The following SNTG1 variants were observed in gnomAD, a reference collection of about 807,000 sequenced individuals.
SNTG1 encodes the protein gamma-1-syntrophin.
In SNTG1, 39 loss-of-function variants were observed where a neutral mutation model predicts 74.7. The observed-to-expected ratio is 0.52, with a 90% CI of 0.40 to 0.68. SNTG1 has a LOEUF of 0.68. Among genes scored for constraint, SNTG1 ranks in the 30% least tolerant of loss-of-function variants. The pLI, the probability that SNTG1 is intolerant of heterozygous loss-of-function variation, is 0.00. For missense variants in SNTG1, 685 were observed against 609.5 expected, an observed-to-expected ratio of 1.12 and a Z score of -1.30; for synonymous variants, 254 against 217.1, an observed-to-expected ratio of 1.17 and a Z score of -1.49.
chr8:50,146,048 T>A (rs1411311334), intron 1 of SNTG1, among the ~76,000 whole-genome samples: 1 of 151,936 alleles, frequency 6.6e-6, no homozygotes, highest in Non-Finnish European at 1.5e-5. Flanking sequence ...TTAAACTTAT[T>A]AAGGCACTTT....
At chr8:50,200,414 G>A (rs768427959) in intron 2 of SNTG1, among the ~76,000 whole-genome samples, 13 of 152,090 alleles carry the variant, frequency 8.5e-5, no homozygotes, top group Non-Finnish European at 5.9e-5. Context: ...AGAAACAGAC[G>A]TTGATTCCTT....
intron 1 of SNTG1, among the ~76,000 whole-genome samples, chr8:50,108,926 T>A (rs963139597): frequency 2.6e-5 from 4 of 152,114 alleles, no homozygotes; most frequent in African/African-American, 9.7e-5. Flanking sequence ...TCTGGAGCAA[T>A]CTTAGCATCA....
At chr8:50,393,004 A>G (rs2092682729) in intron 2 of SNTG1, among the ~76,000 whole-genome samples, 1 of 152,108 alleles carries the variant, frequency 6.6e-6, no homozygotes, top group Admixed American at 6.6e-5. Context: ...CTTTTGTAGT[A>G]AAAGAATAAC....
At chr8:50,526,603 A>ATG (rs143910529) in intron 9 of SNTG1, among the ~76,000 whole-genome samples, 1,601 of 149,540 alleles carry the variant, frequency 0.011, 20 homozygotes, top group East Asian at 0.024. Context: ...CAGCATATAT[A>ATG]TGTGTGTGTG....
intron 2 of SNTG1, among the ~76,000 whole-genome samples, chr8:50,321,947 T>C (rs1174545981): frequency 6.6e-6 from 1 of 152,170 alleles, no homozygotes; most frequent in African/African-American, 2.4e-5. Flanking sequence ...TCTTTTAGTC[T>C]TTCTACTTAA....
At chr8:50,043,594 A>C (rs964794861) in intron 1 of SNTG1, among the ~76,000 whole-genome samples, 1 of 152,182 alleles carries the variant, frequency 6.6e-6, no homozygotes, top group African/African-American at 2.4e-5. Flanking sequence ...CTTGAAGCTG[A>C]CTATGCGTTC....
chr8:50,168,502 G>T (rs2131635384), intron 1 of SNTG1, among the ~76,000 whole-genome samples: 1 of 152,118 alleles, frequency 6.6e-6, no homozygotes. Flanking sequence ...TTTTACTTTA[G>T]TGTGATAGTT....
chr8:50,595,026 GTGTGT>G (rs1412651506), intron 13 of SNTG1, among the ~76,000 whole-genome samples: 5 of 114,292 alleles, frequency 4.4e-5, no homozygotes, highest in Admixed American at 1.8e-4. Flanking sequence ...GAAGATGTGT[GTGTGT>G]GTGTGTGTGT....
At chr8:50,106,522 C>G (rs1453541656) in intron 1 of SNTG1, among the ~76,000 whole-genome samples, 4 of 152,126 alleles carry the variant, frequency 2.6e-5, no homozygotes, top group Non-Finnish European at 5.9e-5. Context: ...AGCTTTTGCT[C>G]ATTCAATGAT....
chr8:50,184,317 C>G (rs1223308406), intron 2 of SNTG1, among the ~76,000 whole-genome samples: 1 of 152,104 alleles, frequency 6.6e-6, no homozygotes, highest in African/African-American at 2.4e-5. Flanking sequence ...AGGTGCCCAC[C>G]ACCACACCTG....
At chr8:49,946,804 G>T (rs1050323896) in intron 1 of SNTG1, among the ~76,000 whole-genome samples, 2 of 152,076 alleles carry the variant, frequency 1.3e-5, no homozygotes, top group South Asian at 4.1e-4. Context: ...GTATCTCCAT[G>T]AAATAATTAA....
rs1180519555 is a variant in SNTG1 at position 50,593,103 on chromosome 8, C to CATCCCACCCA, written c.849+2187_849+2188insTCCCACCCAA. On this transcript the variant is annotated intron_variant, in intron 13 of 18. Transcript: ENST00000642720. ...ATTCCTGATGTTCTAGGTATCAAAA[C>CATCCCACCCA]AGAAATTAAAAGTCACCCAAGCTAC... 4.2e-3 allele frequency among the ~76,000 whole-genome samples: 643 copies of CATCCCACCCA among 152,194 alleles called. 9 individuals carry two copies. The highest frequency in any genetic ancestry group is 0.014 in the African/African-American group (581 of 41,532).
At chr8:50,297,266 T>C (rs1017461013) in intron 2 of SNTG1, among the ~76,000 whole-genome samples, 1 of 152,146 alleles carries the variant, frequency 6.6e-6, no homozygotes, top group African/African-American at 2.4e-5. Context: ...TGATTTTTCT[T>C]ATACATGCAT....
intron 13 of SNTG1, among the ~76,000 whole-genome samples, chr8:50,628,793 T>G (rs1418575198): frequency 6.6e-6 from 1 of 152,202 alleles, no homozygotes; most frequent in Admixed American, 6.6e-5. Flanking sequence ...GAAGTAAAAC[T>G]TAGAATGACA....
chr8:49,973,066 T>G (rs1811851115), intron 1 of SNTG1, among the ~76,000 whole-genome samples: 1 of 152,152 alleles, frequency 6.6e-6, no homozygotes, highest in African/African-American at 2.4e-5. Context: ...CAAGCACACG[T>G]ATGTTTATTG....
chr8:50,354,406 A>G (rs896515684), intron 2 of SNTG1, among the ~76,000 whole-genome samples: 2 of 152,028 alleles, frequency 1.3e-5, no homozygotes, highest in Admixed American at 1.3e-4. Context: ...ATTTTTTTCC[A>G]TTTTTTGTAC....
rs560441874 is a variant in SNTG1 at position 50,768,824 on chromosome 8, G to C, written c.1395+16713G>C. 2.6e-5 allele frequency among the ~76,000 whole-genome samples: 4 copies of C among 152,132 alleles called. No individual in the cohort carries two copies. In the Middle Eastern group the frequency reaches 0.01, roughly 388 times the overall value. The stretch of plus-strand genomic sequence containing the variant: ...TCGTTCTGTAAAATAGACTTAAGTA[G>C]ATAGAAATAAGTTAGGACAAAAATT... On this transcript the variant is annotated intron_variant, in intron 18 of 18. Transcript: ENST00000642720.
chr8:50,154,726 TACTGATCACA>T (rs1305459609), intron 1 of SNTG1, among the ~76,000 whole-genome samples: 1 of 152,176 alleles, frequency 6.6e-6, no homozygotes, highest in African/African-American at 2.4e-5. Flanking sequence ...ACCTGGCCTA[TACTGATCACA>T]ACTATCAAGG....
chr8:49,972,491 G>A (rs1173513413), intron 1 of SNTG1, among the ~76,000 whole-genome samples: 4 of 152,118 alleles, frequency 2.6e-5, no homozygotes, highest in South Asian at 2.1e-4. Context: ...AAAAGCAATG[G>A]CAACAAAAGC....
Sources: gnomAD v4.1 joint callset for allele counts (sites outside exome capture counted in the v4.1 genomes callset) on GRCh38, gnomAD v4.1.1 for gene constraint, MANE v1.5 for transcripts, NCBI Gene and HGNC (gene_info 2026-07-23, HGNC 2026-07-21) for gene names.